Variants in CHAMP1 observed in about 807,000 individuals in gnomAD.
CHAMP1 encodes chromosome alignment-maintaining phosphoprotein 1.
A neutral mutation model predicts 54.5 loss-of-function variants in CHAMP1; 4 were observed. That is an observed-to-expected ratio of 0.07 (90% CI 0.04 to 0.17). The LOEUF (loss-of-function observed/expected upper bound fraction) is 0.17, where lower values mean the gene tolerates loss of function less well. CHAMP1 is among the 10% of genes least tolerant of loss of function. The pLI is 1.00. For synonymous variants in CHAMP1, 368 were observed against 342.2 expected (o/e 1.08, Z -0.83); for missense variants, 994 against 968.6 (o/e 1.03, Z -0.35).
At position 114,326,689 on chromosome 13, in the gene CHAMP1, T is replaced by A. The variant is rs2087255934; in HGVS notation, c.*408T>A. The A allele has an allele frequency of 5.9e-6, 1 of 169,474 alleles. No individual in the cohort carries two copies. The highest frequency in any genetic ancestry group is 1.4e-5 in the Non-Finnish European group (1 of 70,234). The allele number at this position is 169,474 out of a possible 1,614,324, so 10.5% of individuals were successfully genotyped here. A position where few individuals can be genotyped will look rare whatever the true frequency, so the allele number is the denominator to read the frequency against. On this transcript the variant is annotated 3_prime_UTR_variant, in exon 3 of 3. Transcript: ENST00000361283. The stretch of plus-strand genomic sequence containing the variant: ...AAGAATTAGGCATGAAAAATAAATT[T>A]GAGAAATTTTGTTTCCTTACATGTA...
At position 114,319,808 on chromosome 13, in the gene CHAMP1, C is replaced by T. The variant is rs551455643; in HGVS notation, c.-178-1302C>T. ...AGGATGAAGGAGTTTGCCTGATGGC[C>T]GGGTGGCAAGACAGGGAGTGTAAAG... is the stretch of plus-strand genomic sequence containing the variant. On this transcript the variant is annotated intron_variant, in intron 1 of 2. Coordinates refer to ENST00000361283, the MANE Select transcript of CHAMP1 (RefSeq NM_032436.4). Among the ~76,000 whole-genome samples, 15 of 152,142 alleles carry T rather than the reference C, an allele frequency of 9.9e-5. No individual in the cohort carries two copies. The South Asian group carries it at 2.9e-3, about 29-fold the overall frequency.
At position 114,325,056 on chromosome 13, in the gene CHAMP1, C is replaced by G; in HGVS notation, c.1214C>G (p.Ser405Cys). 5.6e-6 allele frequency: 9 copies of G among 1,614,166 alleles called. No homozygotes were observed. Among genetic ancestry groups the G allele is most frequent in the Non-Finnish European group, 7.6e-6 (9 of 1,180,038 alleles). The change falls in exon 3 of 3, where the codon TCT becomes TGT. Residue 405 changes from serine (S) to cysteine (C), a missense_variant. This residue lies in a region of CHAMP1 where 851 missense variants were observed against 701.3 expected (regional missense o/e 1.21). Transcript: ENST00000361283. Reference sequence around the variant, plus strand: ...CTCCGAAAGACAGCTCCCACGTTGTCTCCTGAACATTGGAAGGCAGTTCCC... The same window carrying G: ...CTCCGAAAGACAGCTCCCACGTTGTGTCCTGAACATTGGAAGGCAGTTCCC... ...PELRKTAPTL[S>C]PEHWKAVPPV...
In CHAMP1 at chr13:114,323,836, C is replaced by G. The variant is rs781950831; in HGVS notation, c.-7C>G. 1.9e-6 allele frequency: 3 copies of G among 1,590,596 alleles called. No homozygotes were observed. In the South Asian group the frequency reaches 3.4e-5, roughly 18 times the overall value. Reference sequence around the variant, plus strand: ...TATAACCGTGTGTGTTGGTAACAGACAGAAGAATGGAAGCATTCCAGGAAC... The same window carrying G: ...TATAACCGTGTGTGTTGGTAACAGAGAGAAGAATGGAAGCATTCCAGGAAC... On this transcript the variant is annotated 5_prime_UTR_variant, in exon 3 of 3. Transcript: ENST00000361283.
chr13:114,316,811 C>T (rs529141740), intron 1 of CHAMP1, among the ~76,000 whole-genome samples: 11 of 150,666 alleles, frequency 7.3e-5, no homozygotes, highest in Admixed American at 5.9e-4. Flanking sequence ...GTTAAACATC[C>T]GTAATCTGAA....
At position 114,327,013 on chromosome 13, in the gene CHAMP1, C is replaced by A. The variant is rs57635378; in HGVS notation, c.*732C>A. The A allele has an allele frequency of 3.1e-4, 45 of 143,772 alleles. No individual in the cohort carries two copies. Among genetic ancestry groups the A allele is most frequent in the African/African-American group, 1.2e-3 (41 of 35,112 alleles). The allele number at this position is 143,772 out of a possible 1,614,324, so 8.9% of individuals were successfully genotyped here. On this transcript the variant is annotated 3_prime_UTR_variant, in exon 3 of 3. Transcript: ENST00000361283. The stretch of plus-strand genomic sequence containing the variant: ...TTCTTCCCTCCCCATCCCCACCCCC[C>A]ACCCACCGCCTGCCAGCTCACACTA...
At position 114,324,494 on chromosome 13, in the gene CHAMP1, G is replaced by T. The variant is rs782717643; in HGVS notation, c.652G>T (p.Val218Leu). ...ACCTGCCCCTGTATCTCCTGAGTCA[G>T]TAAAGGCTACTCTTAGTAATCCCAA... ...QKPAPVSPES[V>L]KATLSNPKPQ... The change falls in exon 3 of 3, where the codon GTA (valine) becomes TTA (leucine). Residue 218 changes from valine (V) to leucine (L), a missense_variant. Val to Leu is a conservative substitution (Grantham distance 32). Coordinates refer to ENST00000361283, the MANE Select transcript of CHAMP1 (RefSeq NM_032436.4). 8 of 1,613,848 alleles carry T rather than the reference G, an allele frequency of 5.0e-6. No homozygotes were observed. In the African/African-American group the frequency reaches 8.0e-5, roughly 16 times the overall value.
intron 1 of CHAMP1, among the ~76,000 whole-genome samples, chr13:114,316,437 A>G (rs113019134): frequency 0.071 from 10,803 of 151,514 alleles, 396 homozygotes; most frequent in Middle Eastern, 0.13. Context: ...TGCTGGGATT[A>G]CAGGCGTGAG....
Position 114,325,100 on chromosome 13 carries a change from C to T in CHAMP1, c.1258C>T (p.Arg420Cys), listed in dbSNP as rs782752774. 14 of 1,614,140 alleles carry T rather than the reference C, an allele frequency of 8.7e-6. No homozygotes were observed. Among genetic ancestry groups the T allele is most frequent in the Non-Finnish European group, 1.2e-5 (14 of 1,180,032 alleles). ...KAVPPVSPELRKPGPPLSPEI... is the reference protein window; with the variant it reads ...KAVPPVSPELCKPGPPLSPEI... ...AGTTCCCCCAGTGTCTCCAGAGCTT[C>T]GCAAACCCGGCCCACCACTATCCCC... Residue 420 changes from arginine (R) to cysteine (C), a missense_variant, in exon 3 of 3, where the codon CGC becomes TGC. Physicochemically the swap from Arg to Cys is radical, Grantham distance 180. This residue lies in a region of CHAMP1 where 851 missense variants were observed against 701.3 expected (regional missense o/e 1.21). Coordinates refer to ENST00000361283, the MANE Select transcript of CHAMP1 (RefSeq NM_032436.4).
chr13:114,319,024 T>G (rs990539473), intron 1 of CHAMP1, among the ~76,000 whole-genome samples: 1 of 152,098 alleles, frequency 6.6e-6, no homozygotes, highest in African/African-American at 2.4e-5. Flanking sequence ...ATTTATGCAC[T>G]TGATATGTGG....
At chr13:114,315,917 A>C (rs1469931079) in intron 1 of CHAMP1, among the ~76,000 whole-genome samples, 5 of 150,268 alleles carry the variant, frequency 3.3e-5, no homozygotes, top group Non-Finnish European at 7.4e-5. Context: ...GCTCACTGCA[A>C]CCTCCGCCCC....
Position 114,325,639 on chromosome 13 carries a change from A to T in CHAMP1, c.1797A>T (p.Glu599Asp). Residue 599 changes from glutamate to aspartate, a missense_variant, in exon 3 of 3, where the codon GAA becomes GAT. Glu to Asp is a conservative substitution (Grantham distance 45). Transcript: ENST00000361283. ...AATGTGATATTTTGGTTCAGGAAGA[A>T]CTTCTAGCTTCACCTAAGAAACTCT... ...DQKCDILVQE[E>D]LLASPKKLLE... is the part of the protein sequence containing the mutation. 2 of 1,614,186 alleles carry T rather than the reference A, an allele frequency of 1.2e-6. No individual in the cohort carries two copies. The highest frequency in any genetic ancestry group is 1.7e-6 in the Non-Finnish European group (2 of 1,180,020).
rs1226302098 is a variant in CHAMP1 at position 114,324,158 on chromosome 13, G to A, written c.316G>A (p.Val106Met). The change falls in exon 3 of 3, where the codon GTG becomes ATG. Residue 106 changes from valine (V) to methionine (M), a missense_variant. This residue lies in a region of CHAMP1 where 851 missense variants were observed against 701.3 expected (regional missense o/e 1.21). Coordinates refer to ENST00000361283, the MANE Select transcript of CHAMP1 (RefSeq NM_032436.4). ...TCAGTTGAACAAAGAAACAGATCCT[G>A]TGAAAAGCCCTCCTCTTCCTGAACA... is the stretch of plus-strand genomic sequence containing the variant. ...KNQLNKETDP[V>M]KSPPLPEHQK... 18 of 1,613,992 alleles carry A rather than the reference G, an allele frequency of 1.1e-5. No individual in the cohort carries two copies. The highest frequency in any genetic ancestry group is 1.5e-5 in the Non-Finnish European group (18 of 1,180,042).
intron 2 of CHAMP1, chr13:114,323,557 AATAATAGTT>A (rs1167992332): frequency 1.2e-5 from 4 of 323,290 alleles, no homozygotes; most frequent in Non-Finnish European, 2.2e-5. Context: ...TGTAAGTGAA[AATAATAGTT>A]GAGTCATATC....
chr13:114,319,150 C>A (rs1404432833), intron 1 of CHAMP1, among the ~76,000 whole-genome samples: 2 of 152,112 alleles, frequency 1.3e-5, no homozygotes, highest in East Asian at 3.8e-4. Flanking sequence ...GGACAGATAG[C>A]AGAACTTTAT....
rs782157214 is a variant in CHAMP1, at chr13:114,325,485, G to A, written c.1643G>A (p.Arg548His). The stretch of plus-strand genomic sequence containing the variant: ...CCTGCTTCTCCAGAAGCACGCAAAC[G>A]TGCCCTTTTTCCAGAGCCCCGGAAG... ...APPASPEARKRALFPEPRKHA... is the reference protein window; with the variant it reads ...APPASPEARKHALFPEPRKHA... The change falls in exon 3 of 3, where the codon CGT (arginine) becomes CAT (histidine). Residue 548 changes from arginine (R) to histidine (H), a missense_variant. Around this residue, in one of 3 missense-constraint regions of CHAMP1, gnomAD observed 851 missense variants for 701.3 expected, o/e 1.21. Coordinates refer to ENST00000361283, the MANE Select transcript of CHAMP1 (RefSeq NM_032436.4). 8.1e-6 allele frequency: 13 copies of A among 1,613,926 alleles called. No homozygotes were observed. Among genetic ancestry groups the A allele is most frequent in the South Asian group, 4.4e-5 (4 of 91,082 alleles).
Position 114,324,598 on chromosome 13 carries a change from T to TTCCCCAGAACCTTGGGGACCA in CHAMP1, c.764_784dup (p.Glu255_Pro261dup). On this transcript the variant is annotated inframe_insertion, in exon 3 of 3. Transcript: ENST00000361283. The stretch of plus-strand genomic sequence containing the variant: ...CTCCAGAGTCACCAGTTCTAGCTGC[T>TTCCCCAGAACCTTGGGGACCA]TCCCCAGAACCTTGGGGACCATCCC... 1 of 1,614,126 alleles carries TTCCCCAGAACCTTGGGGACCA rather than the reference T, an allele frequency of 6.2e-7. No individual in the cohort carries two copies. Among genetic ancestry groups the TTCCCCAGAACCTTGGGGACCA allele is most frequent in the Non-Finnish European group, 8.5e-7 (1 of 1,180,030 alleles).
chr13:114,324,775 T>C lies in CHAMP1; in HGVS notation c.933T>C (p.Ser311=), dbSNP rs1555379598. The change falls in exon 3 of 3, where the codon TCT becomes TCC. Residue 311 remains serine (S), a synonymous_variant. Transcript: ENST00000361283. The part of the protein sequence containing the change: ...RRPAPAVSPG[S]WKPGPPGSPR... ...CAGCCCCCGCTGTGTCACCAGGCTC[T>C]TGGAAACCAGGGCCACCTGGGTCCC... 1.9e-6 allele frequency: 3 copies of C among 1,613,996 alleles called. No homozygotes were observed. Among genetic ancestry groups the C allele is most frequent in the Non-Finnish European group, 2.5e-6 (3 of 1,179,908 alleles).
intron 1 of CHAMP1, among the ~76,000 whole-genome samples, chr13:114,320,392 T>C (rs1286960024): frequency 6.6e-6 from 1 of 152,192 alleles, no homozygotes; most frequent in Non-Finnish European, 1.5e-5. Flanking sequence ...CTCTTGGTCC[T>C]CTTTGTTGTG....
At position 114,324,267 on chromosome 13, in the gene CHAMP1, C is replaced by T. The variant is rs782452899; in HGVS notation, c.425C>T (p.Ser142Phe). 6 of 1,614,146 alleles carry T rather than the reference C, an allele frequency of 3.7e-6. No homozygotes were observed. In the East Asian group the frequency reaches 1.3e-4, roughly 36 times the overall value. The change falls in exon 3 of 3, where the codon TCT becomes TTT. Residue 142 changes from serine (S) to phenylalanine (F), a missense_variant. This residue lies in a region of CHAMP1 where 851 missense variants were observed against 701.3 expected (regional missense o/e 1.21). Transcript: ENST00000361283. The stretch of plus-strand genomic sequence containing the variant: ...ACACAGAAACTTGGTTCAGTTTTGT[C>T]TCCAGAATCGCCAAAACCTACTCCT... ...METQKLGSVL[S>F]PESPKPTPLT...
Sources: gnomAD v4.1 joint callset for allele counts (sites outside exome capture counted in the v4.1 genomes callset) on GRCh38, gnomAD v4.1.1 for gene constraint, gnomAD v4.1.1 regional missense constraint, MANE v1.5 for transcripts, NCBI Gene and HGNC (gene_info 2026-07-23, HGNC 2026-07-21) for gene names.